Variants in SUPT5H observed in about 807,000 individuals in gnomAD.
The protein encoded by SUPT5H is transcription elongation factor SPT5.
Under a neutral mutation model 142.5 loss-of-function variants are expected in SUPT5H, and 24 were observed. That is an observed-to-expected ratio of 0.17 (90% CI 0.12 to 0.24). SUPT5H has a LOEUF of 0.24. Among genes scored for constraint, SUPT5H ranks in the 10% least tolerant of loss-of-function variants. The pLI, the probability that SUPT5H is intolerant of heterozygous loss-of-function variation, is 1.00. For synonymous variants in SUPT5H, 546 were observed against 553.0 expected (o/e 0.99, Z 0.18); for missense variants, 893 against 1,471.8 (o/e 0.61, Z 6.43).
chr19:39,457,981 C>T (rs1264780850), intron 4 of SUPT5H: 1 of 808,562 alleles, frequency 1.2e-6, no homozygotes, highest in Non-Finnish European at 2.0e-6. Flanking sequence ...TCCCAGGGCC[C>T]AGTGAATCCC....
rs2079328201 is a variant in SUPT5H, at chr19:39,472,038, A to G, written c.1950+308A>G. Among the ~76,000 whole-genome samples the G allele has an allele frequency of 6.6e-6, 1 of 152,254 alleles. No individual in the cohort carries two copies. Among genetic ancestry groups the G allele is most frequent in the South Asian group, 2.1e-4 (1 of 4,836 alleles). On this transcript the variant is annotated intron_variant, in intron 20 of 29. Coordinates refer to ENST00000432763, the MANE Select transcript of SUPT5H (RefSeq NM_001111020.3). This position sits in a 1 kb window ranked among gnomAD's most constrained non-coding sequence, Gnocchi z 4.2. ...ATACTCTAGAGGTGGACAGACAGAT[A>G]AACCCATCGTACAGCTTGAGGTGAT...
chr19:39,472,423 C>T lies in SUPT5H; in HGVS notation c.1965C>T (p.Thr655=), dbSNP rs769981165. 1.9e-6 allele frequency: 3 copies of T among 1,614,088 alleles called. No individual in the cohort carries two copies. Among genetic ancestry groups the T allele is most frequent in the South Asian group, 2.2e-5 (2 of 91,084 alleles). The change falls in exon 21 of 30, where the codon ACC becomes ACT. Residue 655 remains threonine (T), a synonymous_variant. Transcript: ENST00000432763. This position sits in a 1 kb window ranked among gnomAD's most constrained non-coding sequence, Gnocchi z 4.2. ...TTCTATCCTAGCCCCGTGATGTGAC[C>T]AACTTCACCGTGGGTGGCTTTGCGC... ...LAGGSKPRDV[T]NFTVGGFAPM...
At position 39,470,218 on chromosome 19, in the gene SUPT5H, A is replaced by G. The variant is rs776633530; in HGVS notation, c.1474A>G (p.Ile492Val). ...CCGATTCGAGGGCGACACAGGCCTC[A>G]TTGTGCGGGTGGAGGAGAATTTCGT... ...AGRFEGDTGL[I>V]VRVEENFVIL... The change falls in exon 17 of 30, where the codon ATT (isoleucine) becomes GTT (valine). Residue 492 changes from isoleucine to valine, a missense_variant. Ile to Val is a conservative substitution (Grantham distance 29, BLOSUM62 3). Coordinates refer to ENST00000432763, the MANE Select transcript of SUPT5H (RefSeq NM_001111020.3). The surrounding 1 kb of genome is among the most constrained non-coding windows in gnomAD (Gnocchi z 5.8). 3.4e-5 allele frequency: 54 copies of G among 1,604,604 alleles called. No homozygotes were observed. The highest frequency in any genetic ancestry group is 4.3e-5 in the Non-Finnish European group (50 of 1,173,352).
intron 13 of SUPT5H, chr19:39,468,283 C>G (rs2079270700): frequency 1.2e-5 from 2 of 162,776 alleles, no homozygotes; most frequent in African/African-American, 4.8e-5. Flanking sequence ...TGAGCAGTTA[C>G]TGATGCCACA....
chr19:39,471,965 GAGAA>G, intron 20 of SUPT5H: 1 of 602,650 alleles, frequency 1.7e-6, no homozygotes, highest in African/African-American at 1.9e-5. Context: ...CCAGACACTG[GAGAA>G]CCAGTGGTGA....
At position 39,474,300 on chromosome 19, in the gene SUPT5H, C is replaced by T. The variant is rs1373673800; in HGVS notation, c.2718C>T (p.Pro906=). The change falls in exon 27 of 30, where the codon CCC becomes CCT. Residue 906 remains proline, a synonymous_variant. Transcript: ENST00000432763. This position sits in a 1 kb window ranked among gnomAD's most constrained non-coding sequence, Gnocchi z 6.5. The part of the protein sequence containing the change: ...PSPQGSYQPS[P]SPQSYHQVAP... ...CACAAGGTTCCTACCAGCCCAGCCCCAGCCCCCAGAGCTACCACCAGGTGG... is the reference window on the plus strand; with the variant it reads ...CACAAGGTTCCTACCAGCCCAGCCCTAGCCCCCAGAGCTACCACCAGGTGG... The T allele has an allele frequency of 6.2e-7, 1 of 1,614,090 alleles. No individual in the cohort carries two copies. The highest frequency in any genetic ancestry group is 2.2e-5 in the East Asian group (1 of 44,880).
At chr19:39,446,659 G>A (rs1157050140) in intron 2 of SUPT5H, among the ~76,000 whole-genome samples, 1 of 152,210 alleles carries the variant, frequency 6.6e-6, no homozygotes, top group African/African-American at 2.4e-5. Flanking sequence ...GAGCCCAGAA[G>A]TTTGAGAGCA....
chr19:39,465,908 C>G (rs936157875), intron 11 of SUPT5H, among the ~76,000 whole-genome samples: 1 of 152,130 alleles, frequency 6.6e-6, no homozygotes, highest in South Asian at 2.1e-4. Flanking sequence ...ATTTTTTCAG[C>G]TTTTGGAATA....
chr19:39,459,535 C>A, intron 8 of SUPT5H, 24 bp from the exon 9 acceptor site: 2 of 1,613,268 alleles, frequency 1.2e-6, no homozygotes, highest in Non-Finnish European at 1.7e-6. Flanking sequence ...TCACTGAAGG[C>A]CTTCCTTTTC....
chr19:39,468,328 C>G (rs2079271352), intron 13 of SUPT5H: 2 of 195,672 alleles, frequency 1.0e-5, no homozygotes, highest in South Asian at 1.8e-4. Flanking sequence ...CATGAGTGTG[C>G]AGGCCAGGCT....
At chr19:39,447,486 G>A (rs1246211546) in intron 2 of SUPT5H, among the ~76,000 whole-genome samples, 1 of 136,652 alleles carries the variant, frequency 7.3e-6, no homozygotes, top group Non-Finnish European at 1.5e-5. Context: ...CATCTCACTA[G>A]GTTGCACAGG....
chr19:39,471,437 C>G lies in SUPT5H; in HGVS notation c.1758C>G (p.Ala586=). Residue 586 remains alanine (A), a synonymous_variant, in exon 19 of 30, where the codon GCC becomes GCG. Transcript: ENST00000432763. ...AGAAGGACAACCGCTTTGCTGTGGC[C>G]TTGGACTCAGAGCAGAACAACATCC... The part of the protein sequence containing the change: ...TRKKDNRFAV[A]LDSEQNNIHV... The G allele has an allele frequency of 6.2e-7, 1 of 1,614,216 alleles. No individual in the cohort carries two copies. Among genetic ancestry groups the G allele is most frequent in the Non-Finnish European group, 8.5e-7 (1 of 1,180,046 alleles).
intron 28 of SUPT5H, chr19:39,475,109 G>C: frequency 3.7e-6 from 1 of 269,786 alleles, no homozygotes; most frequent in Non-Finnish European, 7.2e-6. Context: ...GGGCCAAGCA[G>C]TGCTTCACAC....
At chr19:39,461,593 C>T (rs980524575) in intron 10 of SUPT5H, among the ~76,000 whole-genome samples, 4 of 151,980 alleles carry the variant, frequency 2.6e-5, no homozygotes, top group Non-Finnish European at 4.4e-5. Flanking sequence ...GAGACTGAGG[C>T]GTGTGGATCA....
Position 39,459,554 on chromosome 19 carries a change from C to T in SUPT5H, c.525-5C>T. On this transcript the variant is annotated splice_polypyrimidine_tract_variant and splice_region_variant and intron_variant, in intron 8 of 29. Transcript: ENST00000432763. ...TGAAGGCCTTCCTTTTCCTCTGCTG[C>T]TTAGGGATCCCAATCTGTGGACTGT... is the stretch of plus-strand genomic sequence containing the variant. 6.2e-7 allele frequency: 1 copy of T among 1,613,924 alleles called. No individual in the cohort carries two copies. Among genetic ancestry groups the T allele is most frequent in the South Asian group, 1.1e-5 (1 of 91,076 alleles).
chr19:39,453,885 C>G (rs1234215675), intron 3 of SUPT5H, among the ~76,000 whole-genome samples: 2 of 152,188 alleles, frequency 1.3e-5, no homozygotes, highest in Admixed American at 6.6e-5. Flanking sequence ...TGCTACGGCC[C>G]CTTCTGTAGT....
At chr19:39,454,371 T>A in intron 3 of SUPT5H, among the ~76,000 whole-genome samples, 1 of 143,660 alleles carries the variant, frequency 7.0e-6, no homozygotes, top group Admixed American at 7.0e-5. Flanking sequence ...TTTTTTTTTT[T>A]TTGAGACGGA....
intron 1 of SUPT5H, 53 bp downstream of exon 1, chr19:39,445,690 C>T: frequency 1.6e-6 from 1 of 631,734 alleles, no homozygotes; most frequent in Middle Eastern, 3.6e-4. Flanking sequence ...GTGTAGAGAA[C>T]AGATTCGGAA....
chr19:39,472,724 G>A lies in SUPT5H; in HGVS notation c.2036-86G>A. 2 of 1,518,960 alleles carry A rather than the reference G, an allele frequency of 1.3e-6. No individual in the cohort carries two copies. The highest frequency in any genetic ancestry group is 1.4e-5 in the African/African-American group (1 of 72,952). 94.1% of individuals were successfully genotyped at this position (1,518,960 alleles called of 1,614,324 possible). The stretch of plus-strand genomic sequence containing the variant: ...AGGCTCTTAACCCAAGTAGGGAGGA[G>A]TCAAGCAAGTGAAGGGGACGTTCTG... On this transcript the variant is annotated intron_variant, in intron 21 of 29. Coordinates refer to ENST00000432763, the MANE Select transcript of SUPT5H (RefSeq NM_001111020.3). The surrounding 1 kb of genome is among the most constrained non-coding windows in gnomAD (Gnocchi z 4.2).
Sources: allele counts gnomAD v4.1 joint callset (sites outside exome capture counted in the v4.1 genomes callset), GRCh38; gene constraint gnomAD v4.1.1; non-coding constraint Gnocchi (gnomAD v3.1); transcripts MANE v1.5; gene names NCBI Gene and HGNC (gene_info 2026-07-23, HGNC 2026-07-21).